The following NR6A1 variants were observed in gnomAD, a reference collection of about 807,000 sequenced individuals.
NR6A1 encodes nuclear receptor subfamily 6 group A member 1.
A neutral mutation model predicts 59.1 loss-of-function variants in NR6A1; 7 were observed. The ratio of observed to expected loss-of-function variants is 0.12; its 90% CI spans 0.07 to 0.22. NR6A1 has a LOEUF of 0.22. Among genes scored for constraint, NR6A1 ranks in the 10% least tolerant of loss-of-function variants. NR6A1 has a pLI of 1.00. For synonymous variants in NR6A1, 243 were observed against 236.1 expected (o/e 1.03, Z -0.27); for missense variants, 468 against 611.6 (o/e 0.77, Z 2.48).
At chr9:124,671,672 G>A (rs898106991) in intron 2 of NR6A1, among the ~76,000 whole-genome samples, 2 of 151,966 alleles carry the variant, frequency 1.3e-5, no homozygotes, top group African/African-American at 4.8e-5. Flanking sequence ...TAAATATAAA[G>A]GAAAAAGTCA....
In NR6A1 at chr9:124,522,463, T is replaced by G. The variant is rs915078866; in HGVS notation, c.*242A>C. 5 of 337,728 alleles carry G rather than the reference T, an allele frequency of 1.5e-5. No homozygotes were observed. Among genetic ancestry groups the G allele is most frequent in the Non-Finnish European group, 2.8e-5 (5 of 177,106 alleles). The allele number at this position is 337,728 out of a possible 1,614,324, so 20.9% of individuals were successfully genotyped here. ...GTAAACTGTAAGAAAATGCATTGGC[T>G]GCATTCACACAAAAGCATGTGCATC... On this transcript the variant is annotated 3_prime_UTR_variant, in exon 10 of 10. Coordinates refer to ENST00000487099, the MANE Select transcript of NR6A1 (RefSeq NM_033334.4).
chr9:124,599,964 G>A lies in NR6A1; in HGVS notation c.143-45394C>T, dbSNP rs538074267. On this transcript the variant is annotated intron_variant, in intron 2 of 9. Transcript: ENST00000487099. Reference sequence around the variant, plus strand: ...AAAGATGACTGCAGATTTTGAGGCTGAAGGGGTAAGTTTAGTTCTTCAGTG... The same window carrying A: ...AAAGATGACTGCAGATTTTGAGGCTAAAGGGGTAAGTTTAGTTCTTCAGTG... 3.3e-4 allele frequency among the ~76,000 whole-genome samples: 51 copies of A among 152,308 alleles called. No homozygotes were observed. The East Asian group carries it at 7.1e-3, about 21-fold the overall frequency.
chr9:124,731,203 C>G (rs2131123534), intron 2 of NR6A1, among the ~76,000 whole-genome samples: 1 of 152,166 alleles, frequency 6.6e-6, no homozygotes, highest in Admixed American at 6.5e-5. Flanking sequence ...AACCCCGTCT[C>G]TACTAAAAAT....
chr9:124,769,792 G>A (rs1841059097), intron 1 of NR6A1, among the ~76,000 whole-genome samples: 1 of 152,226 alleles, frequency 6.6e-6, no homozygotes, highest in Non-Finnish European at 1.5e-5. Flanking sequence ...TTGCCGGCCG[G>A]TGCGAGCACC....
At position 124,771,232 on chromosome 9, in the gene NR6A1, C is replaced by G. The variant is rs1588872021; in HGVS notation, c.-113G>C. 1.9e-6 allele frequency: 1 copy of G among 536,516 alleles called. No homozygotes were observed. Among genetic ancestry groups the G allele is most frequent in the Non-Finnish European group, 2.8e-6 (1 of 354,330 alleles). 33.2% of individuals were successfully genotyped at this position (536,516 alleles called of 1,614,324 possible). A position where few individuals can be genotyped will look rare whatever the true frequency, so the allele number is the denominator to read the frequency against. ...AGGTTGTCAGGAGCCCGCGAGCTCC[C>G]GGCCGCGGCTCTCTCTGGGCCCCGA... On this transcript the variant is annotated 5_prime_UTR_variant, in exon 1 of 10. Coordinates refer to ENST00000487099, the MANE Select transcript of NR6A1 (RefSeq NM_033334.4).
intron 2 of NR6A1, among the ~76,000 whole-genome samples, chr9:124,652,472 C>T (rs1048458919): frequency 3.3e-5 from 5 of 152,200 alleles, no homozygotes; most frequent in African/African-American, 4.8e-5. Flanking sequence ...CCTGACAGCA[C>T]TGTTATGAGA....
intron 2 of NR6A1, among the ~76,000 whole-genome samples, chr9:124,619,601 A>G (rs1238154640): frequency 6.6e-6 from 1 of 152,116 alleles, no homozygotes; most frequent in Non-Finnish European, 1.5e-5. Context: ...GCATGTTTGG[A>G]AAGTCTAGAA....
intron 2 of NR6A1, among the ~76,000 whole-genome samples, chr9:124,731,810 C>A (rs1446542476): frequency 6.6e-6 from 1 of 152,114 alleles, no homozygotes; most frequent in African/African-American, 2.4e-5. Context: ...TTATGTTAAT[C>A]TACTGATTAT....
intron 2 of NR6A1, among the ~76,000 whole-genome samples, chr9:124,605,273 T>TA (rs1352908783): frequency 6.6e-6 from 1 of 152,088 alleles, no homozygotes; most frequent in African/African-American, 2.4e-5. Context: ...CGTCTCAACT[T>TA]AGAGGGGGAA....
chr9:124,628,323 T>C (rs1836312173), intron 2 of NR6A1, among the ~76,000 whole-genome samples: 1 of 151,730 alleles, frequency 6.6e-6, no homozygotes, highest in African/African-American at 2.4e-5. Flanking sequence ...CCACCGCACC[T>C]GGCCTGCCTT....
At chr9:124,607,862 T>C (rs987552469) in intron 2 of NR6A1, among the ~76,000 whole-genome samples, 1 of 152,038 alleles carries the variant, frequency 6.6e-6, no homozygotes, top group Admixed American at 6.6e-5. Context: ...CTGGGCAACA[T>C]AGCGTAACCC....
chr9:124,718,242 T>C (rs568367316), intron 2 of NR6A1, among the ~76,000 whole-genome samples: 1 of 152,244 alleles, frequency 6.6e-6, no homozygotes, highest in African/African-American at 2.4e-5. Flanking sequence ...ACTGTCAGGA[T>C]AGCCCAATTT....
chr9:124,640,989 A>C (rs566704426), intron 2 of NR6A1, among the ~76,000 whole-genome samples: 2 of 152,166 alleles, frequency 1.3e-5, no homozygotes, highest in Non-Finnish European at 2.9e-5. Context: ...TAAGCATTTC[A>C]TATGTTATTT....
intron 1 of NR6A1, among the ~76,000 whole-genome samples, chr9:124,755,174 G>GTAAGACTAAA (rs112035571): frequency 1 from 151,834 of 152,286 alleles, 75,695 homozygotes; most frequent in Middle Eastern, 1. Context: ...TCACATTACC[G>GTAAGACTAAA]TGGAAATATT....
chr9:124,549,692 T>C (rs1200610399), intron 3 of NR6A1, among the ~76,000 whole-genome samples: 2 of 152,206 alleles, frequency 1.3e-5, no homozygotes, highest in Non-Finnish European at 2.9e-5. Context: ...AATAGTTAAT[T>C]TTTTAAATTT....
intron 2 of NR6A1, among the ~76,000 whole-genome samples, chr9:124,557,161 C>T (rs1464938790): frequency 6.6e-6 from 1 of 152,096 alleles, no homozygotes; most frequent in Non-Finnish European, 1.5e-5. Flanking sequence ...ACGGATCTCA[C>T]TCTGTAGCCC....
intron 2 of NR6A1, among the ~76,000 whole-genome samples, chr9:124,577,865 A>G (rs1299913918): frequency 6.6e-6 from 1 of 152,228 alleles, no homozygotes; most frequent in African/African-American, 2.4e-5. Flanking sequence ...CAGAATTTCT[A>G]TATAGCTTCA....
chr9:124,761,259 T>C (rs765652429), intron 1 of NR6A1, among the ~76,000 whole-genome samples: 1 of 152,196 alleles, frequency 6.6e-6, no homozygotes, highest in Non-Finnish European at 1.5e-5. Flanking sequence ...CAAAGGTACA[T>C]TACATGAAAC....
At chr9:124,589,820 A>G (rs1835056379) in intron 2 of NR6A1, among the ~76,000 whole-genome samples, 1 of 152,106 alleles carries the variant, frequency 6.6e-6, no homozygotes, top group South Asian at 2.1e-4. Context: ...TAATCCCACC[A>G]CTTTGGGAGG....
Sources: allele counts gnomAD v4.1 joint callset (sites outside exome capture counted in the v4.1 genomes callset), GRCh38; gene constraint gnomAD v4.1.1; transcripts MANE v1.5; gene names NCBI Gene and HGNC (gene_info 2026-07-23, HGNC 2026-07-21).